The following NOP58 variants were observed in gnomAD, a reference collection of about 807,000 sequenced individuals.
NOP58 encodes the protein NOP58 ribonucleoprotein.
Under a neutral mutation model 71.2 loss-of-function variants are expected in NOP58, and 44 were observed. The observed-to-expected ratio is 0.62, with a 90% CI of 0.49 to 0.79. The LOEUF (loss-of-function observed/expected upper bound fraction) is 0.79, where lower values mean the gene tolerates loss of function less well. Among genes scored for constraint, NOP58 ranks in the 30% least tolerant of loss-of-function variants. The probability of loss-of-function intolerance (pLI) is 0.00; values close to 1 mark genes in which losing one functional copy is unlikely to be tolerated. For missense variants in NOP58, 538 were observed against 620.2 expected, an observed-to-expected ratio of 0.87 and a Z score of 1.41; for synonymous variants, 228 against 200.3, an observed-to-expected ratio of 1.14 and a Z score of -1.17.
At chr2:202,298,116 G>A (rs1689025262) in intron 12 of NOP58, among the ~76,000 whole-genome samples, 1 of 150,574 alleles carries the variant, frequency 6.6e-6, no homozygotes, top group African/African-American at 2.4e-5. Flanking sequence ...AACATGCATT[G>A]TCTTATGTAC....
At chr2:202,284,264 C>T (rs1688753752) in intron 4 of NOP58, 81 bp from the exon 5 acceptor site, 1 of 1,211,820 alleles carries the variant, frequency 8.3e-7, no homozygotes, top group Non-Finnish European at 1.1e-6. Flanking sequence ...CAGAGTGATA[C>T]TGTGTCTCAA....
rs865862793 is a variant in NOP58 at position 202,265,814 on chromosome 2, G to C, written c.-128G>C. On this transcript the variant is annotated 5_prime_UTR_variant, in exon 1 of 15. Transcript: ENST00000264279. ...TAGGCAGCGTGTTCTGATTCTTTGC[G>C]GGACGGCGAGCGCATTTGTGCTTTG... 2.6e-4 allele frequency: 244 copies of C among 938,460 alleles called. No individual in the cohort carries two copies. The highest frequency in any genetic ancestry group is 1.5e-3 in the South Asian group (110 of 71,898). The allele number at this position is 938,460 out of a possible 1,614,324, so 58.1% of individuals were successfully genotyped here. A position where few individuals can be genotyped will look rare whatever the true frequency, so the allele number is the denominator to read the frequency against.
At chr2:202,296,712 C>CTTTTT (rs1006900193) in intron 10 of NOP58, among the ~76,000 whole-genome samples, 2 of 104,478 alleles carry the variant, frequency 1.9e-5, no homozygotes, top group Non-Finnish European at 4.2e-5. Flanking sequence ...AGAACCCACG[C>CTTTTT]TTTTTTTTGT....
intron 1 of NOP58, among the ~76,000 whole-genome samples, chr2:202,268,019 C>T (rs1400880443): frequency 6.6e-6 from 1 of 152,120 alleles, no homozygotes; most frequent in Non-Finnish European, 1.5e-5. Context: ...TTGATCGTTT[C>T]TGAGTATAAA....
At chr2:202,271,808 G>T (rs1342373712) in intron 1 of NOP58, among the ~76,000 whole-genome samples, 1 of 151,908 alleles carries the variant, frequency 6.6e-6, no homozygotes, top group Non-Finnish European at 1.5e-5. Flanking sequence ...GCTAGATGTC[G>T]CAGTGTGCAC....
chr2:202,283,257 TCTCA>T (rs1466829587), intron 4 of NOP58, among the ~76,000 whole-genome samples: 1 of 151,916 alleles, frequency 6.6e-6, no homozygotes, highest in Non-Finnish European at 1.5e-5. Flanking sequence ...TGAGACAGAG[TCTCA>T]CTCTGTTGCC....
At chr2:202,299,967 C>G (rs977753618) in intron 12 of NOP58, 10 of 277,870 alleles carry the variant, frequency 3.6e-5, no homozygotes, top group Non-Finnish European at 6.0e-5. Context: ...TGAGTGTTTT[C>G]CTGTACCATA....
At chr2:202,295,591 A>G (rs1688975277) in intron 9 of NOP58, 83 bp from the exon 10 acceptor site, 1 of 948,440 alleles carries the variant, frequency 1.1e-6, no homozygotes, top group Admixed American at 2.7e-5. Context: ...GGTGGCTGTA[A>G]TAATTCTATA....
In NOP58 at chr2:202,275,130, A is replaced by G; in HGVS notation, c.63A>G (p.Lys21=). The G allele has an allele frequency of 1.9e-6, 3 of 1,561,834 alleles. No homozygotes were observed. In the South Asian group the frequency reaches 3.4e-5, roughly 18 times the overall value. Residue 21 remains lysine (K), a synonymous_variant, in exon 2 of 15, where the codon AAA becomes AAG. Coordinates refer to ENST00000264279, the MANE Select transcript of NOP58 (RefSeq NM_015934.5). ...YAIFKVLNEK[K]LQEVDSLWKE... is the part of the protein sequence containing the mutation. ...TATTACAGGTTCTAAATGAGAAGAA[A>G]CTTCAAGAGGTTGATAGTTTATGGA...
chr2:202,266,104 C>T, intron 1 of NOP58, 118 bp downstream of exon 1: 1 of 1,220,646 alleles, frequency 8.2e-7, no homozygotes, highest in Non-Finnish European at 1.2e-6. Context: ...AGCCCGGGCT[C>T]TGGGAGGAGG....
At chr2:202,287,377 T>C (rs934817063) in intron 5 of NOP58, among the ~76,000 whole-genome samples, 4 of 152,274 alleles carry the variant, frequency 2.6e-5, no homozygotes, top group African/African-American at 9.6e-5. Flanking sequence ...AATATGACTT[T>C]TGTATTACAC....
intron 13 of NOP58, among the ~76,000 whole-genome samples, chr2:202,301,589 G>C (rs1287295459): frequency 6.6e-6 from 1 of 152,124 alleles, no homozygotes; most frequent in African/African-American, 2.4e-5. Context: ...AGTTCCACTT[G>C]AAAGTATGTA....
Position 202,273,041 on chromosome 2 carries a change from C to T in NOP58, c.46-2072C>T, listed in dbSNP as rs1688535314. 2.6e-5 allele frequency among the ~76,000 whole-genome samples: 4 copies of T among 152,150 alleles called. 1 individual carries two copies. In the South Asian group the frequency reaches 6.2e-4, roughly 24 times the overall value. On this transcript the variant is annotated intron_variant, in intron 1 of 14. Coordinates refer to ENST00000264279, the MANE Select transcript of NOP58 (RefSeq NM_015934.5). ...CCTGGAGGCTGAGGCAGGAGAATGACGTGAACCCAGGAGGTGGAGCTTGCA... is the reference window on the plus strand; with the variant it reads ...CCTGGAGGCTGAGGCAGGAGAATGATGTGAACCCAGGAGGTGGAGCTTGCA...
chr2:202,295,869 G>C, intron 10 of NOP58, 32 bp downstream of exon 10: 9 of 1,484,058 alleles, frequency 6.1e-6, no homozygotes, highest in Non-Finnish European at 7.2e-6. Context: ...TGTTTTTGAG[G>C]TTAGACTTTT....
chr2:202,269,413 G>A (rs117876905), intron 1 of NOP58, among the ~76,000 whole-genome samples: 4,648 of 151,196 alleles, frequency 0.031, 248 homozygotes, highest in East Asian at 0.16. Flanking sequence ...TGGCCTCAAG[G>A]TGCTGGGATT....
intron 6 of NOP58, among the ~76,000 whole-genome samples, 173 bp from the exon 7 acceptor site, chr2:202,290,150 T>C (rs1688861469): frequency 6.6e-6 from 1 of 152,118 alleles, no homozygotes; most frequent in Non-Finnish European, 1.5e-5. Context: ...GAGATGGGGT[T>C]TCACCATGTT....
chr2:202,287,566 A>C, intron 5 of NOP58, 94 bp from the exon 6 acceptor site: 1 of 914,348 alleles, frequency 1.1e-6, no homozygotes, highest in East Asian at 2.5e-5. Context: ...GGCTGATTTG[A>C]GTAAAAACAA....
intron 2 of NOP58, among the ~76,000 whole-genome samples, chr2:202,276,856 G>T (rs1464823223): frequency 6.6e-6 from 1 of 151,854 alleles, no homozygotes; most frequent in Non-Finnish European, 1.5e-5. Flanking sequence ...AACATAAAGG[G>T]GGCCGGGCAC....
Position 202,302,919 on chromosome 2 carries a change from A to C in NOP58, c.1403-2A>C. 6.2e-7 allele frequency: 1 copy of C among 1,601,370 alleles called. No homozygotes were observed. The highest frequency in any genetic ancestry group is 8.5e-7 in the Non-Finnish European group (1 of 1,178,672). On this transcript the variant is annotated splice_acceptor_variant, in intron 13 of 14. Coordinates refer to ENST00000264279, the MANE Select transcript of NOP58 (RefSeq NM_015934.5). LOFTEE classifies it high-confidence loss of function. ...TTGTGCCTTTACACTTACCCTATTC[A>C]GTTGAAGAAGAGGAAGAAGAAAAAG... is the stretch of plus-strand genomic sequence containing the variant.
Sources: allele counts gnomAD v4.1 joint callset (sites outside exome capture counted in the v4.1 genomes callset), GRCh38; gene constraint gnomAD v4.1.1; transcripts MANE v1.5; gene names NCBI Gene and HGNC (gene_info 2026-07-23, HGNC 2026-07-21).